MYOM3: variants seen among roughly 807,000 people sequenced by gnomAD.
MYOM3 encodes the protein myomesin 3.
Under a neutral mutation model 191.7 loss-of-function variants are expected in MYOM3, and 155 were observed. That is an observed-to-expected ratio of 0.81 (90% confidence interval 0.71 to 0.92). MYOM3 has a LOEUF of 0.92. Among genes scored for constraint, MYOM3 ranks in the 40% least tolerant of loss-of-function variants. The pLI, the probability that MYOM3 is intolerant of heterozygous loss-of-function variation, is 0.00. For missense variants in MYOM3, 1,889 were observed against 1,890.6 expected (o/e 1.00, Z 0.02); for synonymous variants, 757 against 762.9 (o/e 0.99, Z 0.13).
At chr1:24,076,117 G>T (rs373765152) in intron 21 of MYOM3, 42 bp downstream of exon 21, 2 of 1,501,082 alleles carry the variant, frequency 1.3e-6, no homozygotes, top group African/African-American at 2.8e-5. Flanking sequence ...CCCCAGTGGC[G>T]TAGCCCAGTG....
At chr1:24,107,421 T>C (rs1643993444) in intron 3 of MYOM3, among the ~76,000 whole-genome samples, 189 bp from the exon 4 acceptor site, 1 of 152,244 alleles carries the variant, frequency 6.6e-6, no homozygotes, top group Non-Finnish European at 1.5e-5. Flanking sequence ...TCCTTAATAG[T>C]TGACTGTTTT....
intron 20 of MYOM3, among the ~76,000 whole-genome samples, chr1:24,079,291 T>C (rs1399513979): frequency 2.6e-5 from 4 of 151,960 alleles, no homozygotes; most frequent in Non-Finnish European, 5.9e-5. Context: ...CCTGGACCTC[T>C]GTGGGCTCAG....
At chr1:24,077,279 A>G (rs1385829089) in intron 20 of MYOM3, among the ~76,000 whole-genome samples, 1 of 152,132 alleles carries the variant, frequency 6.6e-6, no homozygotes, top group Non-Finnish European at 1.5e-5. Flanking sequence ...CCCTCTGCCA[A>G]TCTGATGATG....
Position 24,063,345 on chromosome 1 carries a change from C to G in MYOM3, c.3662-111G>C. On this transcript the variant is annotated intron_variant, in intron 31 of 36. Transcript: ENST00000374434. The surrounding 1 kb of genome is among the most constrained non-coding windows in gnomAD (Gnocchi z 4.5). ...GGGGGCAGGTGCTGTGGGGGAAATG[C>G]AGTGCTGTGAAGAGGCGGGATTTTC... The G allele has an allele frequency of 7.3e-7, 1 of 1,367,608 alleles. No individual in the cohort carries two copies. The highest frequency in any genetic ancestry group is 1.7e-5 in the Admixed American group (1 of 58,468). 84.7% of individuals were successfully genotyped at this position (1,367,608 alleles called of 1,614,324 possible).
At position 24,086,666 on chromosome 1, in the gene MYOM3, G is replaced by C; in HGVS notation, c.1776C>G (p.Pro592=). The C allele has an allele frequency of 6.2e-7, 1 of 1,613,984 alleles. No homozygotes were observed. Among genetic ancestry groups the C allele is most frequent in the South Asian group, 1.1e-5 (1 of 91,064 alleles). The change falls in exon 15 of 37, where the codon CCC becomes CCG. Residue 592 remains proline (P), a synonymous_variant. Transcript: ENST00000374434. ...GLSDPSEPSE[P]IALRGPPATL... ...TACCTGGCGGGCCCCGCAAGGCGAT[G>C]GGTTCGCTGGGCTCCGAGGGATCGC...
At chr1:24,101,848 T>C (rs1381494003) in intron 5 of MYOM3, among the ~76,000 whole-genome samples, 1 of 152,234 alleles carries the variant, frequency 6.6e-6, no homozygotes, top group Admixed American at 6.5e-5. Flanking sequence ...TTCTGTGAAC[T>C]TGGGTCTTGT....
chr1:24,069,254 G>A (rs1220610028), intron 25 of MYOM3, among the ~76,000 whole-genome samples: 1 of 152,122 alleles, frequency 6.6e-6, no homozygotes, highest in African/African-American at 2.4e-5. Flanking sequence ...TTTTTCTATA[G>A]GGACAACTGA....
chr1:24,061,862 G>T, intron 33 of MYOM3, 84 bp downstream of exon 33: 1 of 1,478,284 alleles, frequency 6.8e-7, no homozygotes, highest in Non-Finnish European at 9.3e-7. Context: ...AAAGTGCTGG[G>T]ATTACAGGAC....
chr1:24,108,724 C>T, intron 1 of MYOM3, 70 bp from the exon 2 acceptor site: 2 of 1,224,502 alleles, frequency 1.6e-6, no homozygotes, highest in Non-Finnish European at 1.1e-6. Flanking sequence ...GTCTTCCCAA[C>T]ATCTCTAGGA....
chr1:24,105,432 T>C (rs572640362), intron 5 of MYOM3, among the ~76,000 whole-genome samples: 1 of 152,300 alleles, frequency 6.6e-6, no homozygotes, highest in African/African-American at 2.4e-5. Context: ...ACCCACTGTC[T>C]CCCTGCTACT....
intron 33 of MYOM3, among the ~76,000 whole-genome samples, chr1:24,061,692 G>C (rs879374557): frequency 6.6e-6 from 1 of 151,834 alleles, no homozygotes; most frequent in Admixed American, 6.6e-5. Context: ...CAATCCTCCC[G>C]CTTCAGCCTC....
intron 6 of MYOM3, 116 bp downstream of exon 6, chr1:24,099,564 G>C (rs1289003722): frequency 1.3e-6 from 1 of 781,196 alleles, no homozygotes; most frequent in Non-Finnish European, 2.2e-6. Flanking sequence ...GCACCCTAGA[G>C]ACTTCTGAAG....
At chr1:24,061,820 G>A (rs895511882) in intron 33 of MYOM3, 126 bp downstream of exon 33, 20 of 1,021,326 alleles carry the variant, frequency 2.0e-5, no homozygotes, top group Non-Finnish European at 2.8e-5. Flanking sequence ...TCAAACTCCA[G>A]AGCTCAAGCG....
At chr1:24,067,407 C>CTTTCTTT (rs1643462333) in intron 27 of MYOM3, among the ~76,000 whole-genome samples, 3 of 71,778 alleles carry the variant, frequency 4.2e-5, no homozygotes, top group Non-Finnish European at 7.8e-5. Context: ...TCCTTCCTTC[C>CTTTCTTT]TTCCTTCCTT....
At chr1:24,064,181 G>A in intron 29 of MYOM3, 22 bp from the exon 30 acceptor site, 3 of 1,594,960 alleles carry the variant, frequency 1.9e-6, no homozygotes, top group Non-Finnish European at 8.6e-7. Context: ...GATGAGCGAT[G>A]GTGGTGTCAG....
intron 12 of MYOM3, 134 bp from the exon 13 acceptor site, chr1:24,090,252 C>T (rs1277033921): frequency 2.8e-6 from 2 of 702,770 alleles, no homozygotes; most frequent in African/African-American, 1.7e-5. Flanking sequence ...CAACCTCAGA[C>T]AGGTGCCCTC....
Position 24,084,565 on chromosome 1 carries a change from C to T in MYOM3, c.1873G>A (p.Val625Met). 6.2e-7 allele frequency: 1 copy of T among 1,614,078 alleles called. No homozygotes were observed. Among genetic ancestry groups the T allele is most frequent in the Non-Finnish European group, 8.5e-7 (1 of 1,180,008 alleles). Residue 625 changes from valine (V) to methionine (M), a missense_variant, in exon 16 of 37, where the codon GTG becomes ATG. By Grantham distance (21) the Val-to-Met change is conservative. Transcript: ENST00000374434. ...TAACCCAGGAGCTCTGGGTCTTTCA[C>T]AGGATCCCATGTCAGGGAGACAGAG... is the stretch of plus-strand genomic sequence containing the variant. ...QTSVSLTWDP[V>M]KDPELLGYYI...
intron 5 of MYOM3, among the ~76,000 whole-genome samples, chr1:24,103,270 A>C (rs17256848): frequency 2.0e-5 from 3 of 152,364 alleles, no homozygotes; most frequent in African/African-American, 7.2e-5. Flanking sequence ...TAGTGGGATC[A>C]GCAACTTGCG....
intron 20 of MYOM3, 96 bp from the exon 21 acceptor site, chr1:24,076,369 C>A (rs1643599510): frequency 1.2e-6 from 1 of 822,866 alleles, no homozygotes; most frequent in Non-Finnish European, 2.1e-6. Flanking sequence ...AATAAGAAAA[C>A]CCTCTCCCTT....
Sources: allele counts gnomAD v4.1 joint callset (sites outside exome capture counted in the v4.1 genomes callset), GRCh38; gene constraint gnomAD v4.1.1; non-coding constraint Gnocchi (gnomAD v3.1); transcripts MANE v1.5; gene names NCBI Gene and HGNC (gene_info 2026-07-23, HGNC 2026-07-21).